Variants in SMCO2 observed in about 807,000 individuals in gnomAD.
SMCO2 encodes single-pass membrane and coiled-coil domain-containing protein 2.
A neutral mutation model predicts 29.5 loss-of-function variants in SMCO2; 25 were observed. The ratio of observed to expected loss-of-function variants is 0.85; its 90% CI spans 0.62 to 1.18. The LOEUF (loss-of-function observed/expected upper bound fraction) is 1.18. SMCO2 is among the 50% of genes most tolerant of loss of function. The pLI is 0.00. For missense variants in SMCO2, 348 were observed against 344.5 expected (o/e 1.01, Z -0.08); for synonymous variants, 117 against 123.3 (o/e 0.95, Z 0.34).
the SMCO2 span, among the ~76,000 whole-genome samples, chr12:27,454,977 T>C: frequency 6.6e-6 from 1 of 152,248 alleles, no homozygotes; most frequent in Non-Finnish European, 1.5e-5. Flanking sequence ...CCTTCCATTA[T>C]CATAATTCTT....
Position 27,472,758 on chromosome 12 carries a change from G to C in SMCO2, c.135-18G>C. ...AAAGGCATAATAACAGCCTCTGTTT[G>C]GATTGTGTGGCTTGCAGTTTGCTAA... On this transcript the variant is annotated intron_variant, in intron 2 of 7. Coordinates refer to ENST00000298876, the Ensembl canonical transcript of SMCO2. The C allele has an allele frequency of 6.5e-7, 1 of 1,544,864 alleles. No individual in the cohort carries two copies. Among genetic ancestry groups the C allele is most frequent in the East Asian group, 2.4e-5 (1 of 40,886 alleles).
intron 3 of SMCO2, among the ~76,000 whole-genome samples, chr12:27,474,022 C>A (rs185954702): frequency 1.4e-4 from 22 of 152,284 alleles, no homozygotes; most frequent in Non-Finnish European, 2.2e-4. Context: ...CCCCCAAACT[C>A]TTTTTGATAT....
the SMCO2 span, among the ~76,000 whole-genome samples, chr12:27,431,936 A>T: frequency 6.6e-6 from 1 of 152,146 alleles, no homozygotes; most frequent in Non-Finnish European, 1.5e-5. Flanking sequence ...AACTCTTGTT[A>T]TACTCCTATT....
the SMCO2 span, among the ~76,000 whole-genome samples, chr12:27,446,257 G>A: frequency 3.3e-5 from 5 of 152,234 alleles, no homozygotes; most frequent in African/African-American, 1.2e-4. Flanking sequence ...GCAGGGATTG[G>A]GAACAGAGGG....
the SMCO2 span, among the ~76,000 whole-genome samples, chr12:27,427,955 G>T: frequency 1.3e-5 from 2 of 152,110 alleles, no homozygotes; most frequent in African/African-American, 4.8e-5. Context: ...CTGATTGGTC[G>T]GGTTAAGGAT....
intron 1 of SMCO2, among the ~76,000 whole-genome samples, chr12:27,468,526 T>C (rs1353018060): frequency 6.6e-6 from 1 of 152,248 alleles, no homozygotes; most frequent in Admixed American, 6.5e-5. Context: ...TCCAACATGA[T>C]AGTCGTTGGG....
At chr12:27,470,579 T>C in intron 1 of SMCO2, 43 bp from the exon 2 acceptor site, 1 of 1,534,832 alleles carries the variant, frequency 6.5e-7, no homozygotes, top group Non-Finnish European at 8.8e-7. Context: ...TGGTTGCCAT[T>C]TCTGCCATAA....
intron 5 of SMCO2, among the ~76,000 whole-genome samples, chr12:27,493,185 G>A (rs2135574194): frequency 6.6e-6 from 1 of 152,244 alleles, no homozygotes; most frequent in Admixed American, 6.5e-5. Flanking sequence ...CTTGAGGGTG[G>A]AGGGTGGGAG....
At chr12:27,437,800 G>A in the SMCO2 span, among the ~76,000 whole-genome samples, 1 of 152,162 alleles carries the variant, frequency 6.6e-6, no homozygotes, top group Non-Finnish European at 1.5e-5. Flanking sequence ...TTTGTCCAAA[G>A]ACCCCTTCAC....
chr12:27,491,542 C>T (rs769193659), intron 5 of SMCO2, among the ~76,000 whole-genome samples: 5 of 152,054 alleles, frequency 3.3e-5, no homozygotes, highest in East Asian at 1.9e-4. Context: ...GATGAATAAA[C>T]GTGTTAAAAA....
chr12:27,477,603 T>A (rs1440112180), intron 4 of SMCO2, among the ~76,000 whole-genome samples: 2 of 150,746 alleles, frequency 1.3e-5, no homozygotes, highest in African/African-American at 2.4e-5. Flanking sequence ...GTCCCAAATG[T>A]CAGGTAGGGC....
At chr12:27,462,286 A>G (rs947740661), upstream of SMCO2, among the ~76,000 whole-genome samples, 2 of 152,110 alleles carry the variant, frequency 1.3e-5, no homozygotes, top group Non-Finnish European at 2.9e-5. Context: ...GCTTCCAAGA[A>G]CTTTCTTTAC....
intron 6 of SMCO2, among the ~76,000 whole-genome samples, chr12:27,494,925 G>A (rs1942979600): frequency 6.6e-6 from 1 of 151,898 alleles, no homozygotes; most frequent in Admixed American, 6.6e-5. Flanking sequence ...GCCTTCTAGT[G>A]CTTGCCCTTC....
the SMCO2 span, among the ~76,000 whole-genome samples, chr12:27,439,984 G>A: frequency 1.1e-4 from 16 of 152,130 alleles, no homozygotes; most frequent in African/African-American, 3.9e-4. Flanking sequence ...TAAATGTGCA[G>A]GTAGAGGAAA....
the SMCO2 span, among the ~76,000 whole-genome samples, chr12:27,434,193 C>G: frequency 5.3e-5 from 8 of 152,298 alleles, no homozygotes; most frequent in African/African-American, 1.9e-4. Flanking sequence ...GGTCCTGAGA[C>G]TGATAACATT....
upstream of SMCO2, among the ~76,000 whole-genome samples, chr12:27,462,448 C>T (rs1015260386): frequency 5.3e-5 from 8 of 152,188 alleles, no homozygotes; most frequent in Admixed American, 6.5e-5. Context: ...ATAATATTCT[C>T]TTTCTCCCGG....
At chr12:27,475,442 G>T in intron 4 of SMCO2, 140 bp from the exon 5 acceptor site, 1 of 763,652 alleles carries the variant, frequency 1.3e-6, no homozygotes, top group Non-Finnish European at 1.9e-6. Context: ...TTTTCTTGAG[G>T]CTTGTGTGCC....
chr12:27,490,176 T>C (rs1249859489), intron 5 of SMCO2, among the ~76,000 whole-genome samples: 1 of 152,152 alleles, frequency 6.6e-6, no homozygotes, highest in Non-Finnish European at 1.5e-5. Context: ...TACTCAGCAA[T>C]AAAAAGGAAC....
chr12:27,438,054 C>T, the SMCO2 span, among the ~76,000 whole-genome samples: 3 of 152,236 alleles, frequency 2.0e-5, no homozygotes, highest in Admixed American at 6.5e-5. Flanking sequence ...CTCCAATTCA[C>T]TTCTTGTCTC....
Sources: allele counts gnomAD v4.1 joint callset (sites outside exome capture counted in the v4.1 genomes callset), GRCh38; gene constraint gnomAD v4.1.1; transcripts MANE v1.5; gene names NCBI Gene and HGNC (gene_info 2026-07-23, HGNC 2026-07-21).